Variants in SLC15A1 observed in about 807,000 individuals in gnomAD.
SLC15A1 encodes Caco-2 oligopeptide transporter.
In SLC15A1, 83 loss-of-function variants were observed where a neutral mutation model predicts 92.9. The observed-to-expected ratio is 0.89, with a 90% CI of 0.75 to 1.07. The LOEUF is 1.07. Ranked by LOEUF, SLC15A1 falls within the 50% of genes least tolerant of loss-of-function variation. The pLI is 0.00. For missense variants in SLC15A1, 857 were observed against 880.1 expected (o/e 0.97, Z 0.33); for synonymous variants, 322 against 318.2 (o/e 1.01, Z -0.13).
intron 1 of SLC15A1, among the ~76,000 whole-genome samples, chr13:98,749,108 C>A (rs1403043866): frequency 1.3e-5 from 2 of 152,214 alleles, no homozygotes; most frequent in African/African-American, 4.8e-5. Context: ...TGTGGGACCA[C>A]CTCTATAGCT....
rs777637220 is a variant in SLC15A1 at position 98,712,595 on chromosome 13, G to T, written c.724-11C>A. The T allele has an allele frequency of 1.8e-5, 28 of 1,598,906 alleles. No homozygotes were observed. Among genetic ancestry groups the T allele is most frequent in the Non-Finnish European group, 2.3e-5 (27 of 1,172,070 alleles). On this transcript the variant is annotated splice_polypyrimidine_tract_variant and intron_variant, in intron 9 of 22. Coordinates refer to ENST00000376503, the MANE Select transcript of SLC15A1 (RefSeq NM_005073.4). ...ATTTTTGATGGCAAACTGAAGGAAG[G>T]AAGAAAAATCGAATTTCAAAACAGG...
chr13:98,698,662 C>G (rs2088042714), intron 18 of SLC15A1, among the ~76,000 whole-genome samples: 1 of 152,164 alleles, frequency 6.6e-6, no homozygotes, highest in Non-Finnish European at 1.5e-5. Flanking sequence ...GTCTTGAACT[C>G]CTGACCTCAG....
At chr13:98,725,492 G>A (rs1269218627) in intron 4 of SLC15A1, among the ~76,000 whole-genome samples, 1 of 152,146 alleles carries the variant, frequency 6.6e-6, no homozygotes, top group African/African-American at 2.4e-5. Context: ...ATTTTAGAGA[G>A]TTTCTTCATA....
At chr13:98,714,665 A>AG (rs2088198117) in intron 9 of SLC15A1, among the ~76,000 whole-genome samples, 1 of 151,480 alleles carries the variant, frequency 6.6e-6, no homozygotes. Flanking sequence ...AAAAAAAAAA[A>AG]AAAAAAAGAA....
At chr13:98,694,297 G>A (rs1432249110) in intron 18 of SLC15A1, among the ~76,000 whole-genome samples, 1 of 152,084 alleles carries the variant, frequency 6.6e-6, no homozygotes, top group Non-Finnish European at 1.5e-5. Flanking sequence ...CTTACATTGA[G>A]ATTTTTAGAA....
chr13:98,709,651 C>A lies in SLC15A1; in HGVS notation c.988G>T (p.Ala330Ser), dbSNP rs764483622. 1 of 1,614,022 alleles carries A rather than the reference C, an allele frequency of 6.2e-7. No homozygotes were observed. The highest frequency in any genetic ancestry group is 8.5e-7 in the Non-Finnish European group (1 of 1,180,038). ...IQPDQMQTVN[A>S]ILIVIMVPIF... ...GGGACCATGATCACGATCAGGATGGCGTTCACGGTCTGCAGAGGAAGTGGA... is the reference window on the plus strand; with the variant it reads ...GGGACCATGATCACGATCAGGATGGAGTTCACGGTCTGCAGAGGAAGTGGA... Residue 330 changes from alanine to serine, a missense_variant, in exon 14 of 23, where the codon GCC becomes TCC. Coordinates refer to ENST00000376503, the MANE Select transcript of SLC15A1 (RefSeq NM_005073.4).
intron 18 of SLC15A1, among the ~76,000 whole-genome samples, chr13:98,700,885 G>A (rs1009034168): frequency 2.0e-5 from 3 of 152,134 alleles, no homozygotes; most frequent in African/African-American, 7.2e-5. Context: ...ATTCATTCAT[G>A]TATGGGTCTA....
At chr13:98,715,470 G>C (rs1001236835) in intron 9 of SLC15A1, among the ~76,000 whole-genome samples, 56 of 152,204 alleles carry the variant, frequency 3.7e-4, no homozygotes, top group African/African-American at 1.4e-3. Flanking sequence ...ACAGTGCCTA[G>C]CCTATTTTCT....
intron 4 of SLC15A1, among the ~76,000 whole-genome samples, chr13:98,724,870 T>C (rs1566454051): frequency 2.6e-5 from 4 of 152,156 alleles, no homozygotes; most frequent in Admixed American, 1.3e-4. Context: ...TCTTTAGAGG[T>C]AGTGATTCTT....
rs113484071 is a variant in SLC15A1, at chr13:98,687,678, T to C, written c.1730A>G (p.Asn577Ser). Residue 577 changes from asparagine (N) to serine (S), a missense_variant, in exon 21 of 23, where the codon AAC becomes AGC. Transcript: ENST00000376503. ...EVKVFEDISA[N>S]TVNMALQIPQ... ...GATTTGCAGAGCCATGTTAACTGTG[T>C]TGGCTGAAATATCTTCAAACACCTT... is the stretch of plus-strand genomic sequence containing the variant. 77 of 1,614,152 alleles carry C rather than the reference T, an allele frequency of 4.8e-5. No homozygotes were observed. In the African/African-American group the frequency reaches 8.4e-4, roughly 18 times the overall value.
At chr13:98,702,324 G>C (rs1261395469) in intron 18 of SLC15A1, among the ~76,000 whole-genome samples, 156 bp downstream of exon 18, 4 of 152,118 alleles carry the variant, frequency 2.6e-5, no homozygotes, top group Non-Finnish European at 5.9e-5. Flanking sequence ...GGGTTATATG[G>C]ATTGATTTTT....
At chr13:98,728,472 A>G (rs935541677) in intron 1 of SLC15A1, among the ~76,000 whole-genome samples, 1 of 152,202 alleles carries the variant, frequency 6.6e-6, no homozygotes, top group Non-Finnish European at 1.5e-5. Flanking sequence ...AAAGATAGAT[A>G]TCACATATTC....
At chr13:98,719,600 G>C (rs1036481364) in intron 7 of SLC15A1, among the ~76,000 whole-genome samples, 1 of 152,104 alleles carries the variant, frequency 6.6e-6, no homozygotes, top group Non-Finnish European at 1.5e-5. Flanking sequence ...TTTTCTTTAC[G>C]GGGGAGATAA....
Position 98,687,593 on chromosome 13 carries a change from G to A in SLC15A1, c.1815C>T (p.Phe605=). 1 of 1,614,002 alleles carries A rather than the reference G, an allele frequency of 6.2e-7. No individual in the cohort carries two copies. The highest frequency in any genetic ancestry group is 8.5e-7 in the Non-Finnish European group (1 of 1,179,982). The change falls in exon 21 of 23, where the codon TTC becomes TTT. Residue 605 remains phenylalanine (F), a synonymous_variant. Transcript: ENST00000376503. ...EVVFSVTGLE[F]SYSQAPSNMK... ...ACAAACAAGAAACCTGAGAATATGA[G>A]AATTCCAATCCCGTGACAGAGAAGA...
intron 1 of SLC15A1, among the ~76,000 whole-genome samples, chr13:98,729,408 T>C (rs1175274482): frequency 6.6e-6 from 1 of 152,198 alleles, no homozygotes; most frequent in Non-Finnish European, 1.5e-5. Context: ...TCTCTGCACC[T>C]GAGATTTGCA....
At chr13:98,702,710 C>G (rs943200616) in intron 17 of SLC15A1, among the ~76,000 whole-genome samples, 181 bp from the exon 18 acceptor site, 1 of 151,980 alleles carries the variant, frequency 6.6e-6, no homozygotes, top group Non-Finnish European at 1.5e-5. Context: ...AATCCCAGCA[C>G]TTTGGGAGGC....
rs184528537 is a variant in SLC15A1 at position 98,726,352 on chromosome 13, C to T, written c.103+16G>A. 7.6e-5 allele frequency: 122 copies of T among 1,613,998 alleles called. No individual in the cohort carries two copies. The Admixed American group carries it at 1.0e-3, about 13-fold the overall frequency. ...CCGCTCTTCCCTGAAGGGTGAGAAA[C>T]GGCCAATACAGTTACCTCGCATTCC... On this transcript the variant is annotated intron_variant, in intron 3 of 22. Coordinates refer to ENST00000376503, the MANE Select transcript of SLC15A1 (RefSeq NM_005073.4).
Position 98,686,303 on chromosome 13 carries a change from G to A in SLC15A1, c.1828-6C>T. 1 of 1,600,694 alleles carries A rather than the reference G, an allele frequency of 6.2e-7. No individual in the cohort carries two copies. The highest frequency in any genetic ancestry group is 8.5e-7 in the Non-Finnish European group (1 of 1,172,296). ...GACTTCATGTTGGAAGGAGCCTGAGGAAGCAAAGCAAAGTGAGTCCTGCTC... is the reference window on the plus strand; with the variant it reads ...GACTTCATGTTGGAAGGAGCCTGAGAAAGCAAAGCAAAGTGAGTCCTGCTC... On this transcript the variant is annotated splice_region_variant and splice_polypyrimidine_tract_variant and intron_variant, in intron 21 of 22. Coordinates refer to ENST00000376503, the MANE Select transcript of SLC15A1 (RefSeq NM_005073.4).
At chr13:98,700,944 G>A (rs2088062171) in intron 18 of SLC15A1, among the ~76,000 whole-genome samples, 1 of 152,166 alleles carries the variant, frequency 6.6e-6, no homozygotes, top group Admixed American at 6.5e-5. Flanking sequence ...TTTATAGTAA[G>A]TTTGAAAACT....
Sources: allele counts gnomAD v4.1 joint callset (sites outside exome capture counted in the v4.1 genomes callset), GRCh38; gene constraint gnomAD v4.1.1; transcripts MANE v1.5; gene names NCBI Gene and HGNC (gene_info 2026-07-23, HGNC 2026-07-21).